SCAMP1: variants seen among roughly 807,000 people sequenced by gnomAD.
SCAMP1 encodes secretory carrier membrane protein 1.
SCAMP1 carries 15 observed loss-of-function variants against 41.8 expected under a neutral mutation model. That is an observed-to-expected ratio of 0.36 (90% CI 0.24 to 0.55). The LOEUF (loss-of-function observed/expected upper bound fraction) is 0.55. SCAMP1 is among the 20% of genes least tolerant of loss of function. The pLI, the probability that SCAMP1 is intolerant of heterozygous loss-of-function variation, is 0.86. For synonymous variants in SCAMP1, 135 were observed against 136.8 expected, an observed-to-expected ratio of 0.99 and a Z score of 0.09; for missense variants, 341 against 412.6, an observed-to-expected ratio of 0.83 and a Z score of 1.50.
intron 2 of SCAMP1, among the ~76,000 whole-genome samples, chr5:78,413,178 C>T (rs1174509415): frequency 6.6e-6 from 1 of 151,986 alleles, no homozygotes; most frequent in Admixed American, 6.6e-5. Flanking sequence ...ACCAGTTATC[C>T]AGGCACCGTT....
rs999416804 is a variant in SCAMP1 at position 78,478,684 on chromosome 5, C to T, written c.*3016C>T. 3.3e-5 allele frequency: 5 copies of T among 152,104 alleles called. No homozygotes were observed. In the South Asian group the frequency reaches 8.3e-4, roughly 25 times the overall value. 9.4% of individuals were successfully genotyped at this position (152,104 alleles called of 1,614,324 possible). ...TGTATTCTGATTTCTATCCTTGCTA[C>T]CTATTGCTGTTTTATGTACTGATGA... On this transcript the variant is annotated 3_prime_UTR_variant, in exon 9 of 9. Transcript: ENST00000621999.
intron 6 of SCAMP1, among the ~76,000 whole-genome samples, chr5:78,423,865 A>G (rs1430405062): frequency 7.0e-6 from 1 of 142,002 alleles, no homozygotes; most frequent in Non-Finnish European, 1.5e-5. Context: ...TTTTTTTGAG[A>G]TGGAGTTTTG....
intron 6 of SCAMP1, among the ~76,000 whole-genome samples, chr5:78,442,447 C>CA (rs1464066406): frequency 2.6e-5 from 4 of 152,000 alleles, no homozygotes; most frequent in African/African-American, 9.7e-5. Flanking sequence ...TTAGTAGAGA[C>CA]AGAGTTTCAC....
intron 2 of SCAMP1, among the ~76,000 whole-genome samples, chr5:78,403,031 T>C (rs949860314): frequency 6.6e-6 from 1 of 152,120 alleles, no homozygotes. Context: ...CCATCACACC[T>C]GGCTAATTTT....
chr5:78,447,015 C>T (rs1753067291), intron 6 of SCAMP1, among the ~76,000 whole-genome samples: 1 of 152,214 alleles, frequency 6.6e-6, no homozygotes, highest in African/African-American at 2.4e-5. Flanking sequence ...AGCTCTGCCT[C>T]CTGTCACATC....
chr5:78,472,210 T>A (rs1172721386), intron 8 of SCAMP1, among the ~76,000 whole-genome samples: 5 of 152,128 alleles, frequency 3.3e-5, no homozygotes, highest in African/African-American at 7.2e-5. Context: ...TGCATTTTTT[T>A]AAAGATAAAT....
chr5:78,448,458 T>A (rs561654594), intron 6 of SCAMP1, among the ~76,000 whole-genome samples: 1 of 151,944 alleles, frequency 6.6e-6, no homozygotes, highest in African/African-American at 2.4e-5. Context: ...AACTCAACGA[T>A]AAAGGAAAAA....
intron 6 of SCAMP1, among the ~76,000 whole-genome samples, chr5:78,425,934 C>A (rs1348119922): frequency 6.6e-6 from 1 of 151,628 alleles, no homozygotes; most frequent in African/African-American, 2.4e-5. Flanking sequence ...GTCCTAATGC[C>A]CTCCCTCCCC....
chr5:78,439,776 G>A (rs1328265523), intron 6 of SCAMP1, among the ~76,000 whole-genome samples: 1 of 152,030 alleles, frequency 6.6e-6, no homozygotes, highest in Non-Finnish European at 1.5e-5. Context: ...TGGTAGGTTG[G>A]GGAAGTTTTC....
intron 1 of SCAMP1, among the ~76,000 whole-genome samples, chr5:78,388,477 G>A (rs1407090005): frequency 1.3e-5 from 2 of 152,192 alleles, no homozygotes; most frequent in African/African-American, 4.8e-5. Flanking sequence ...TTATAAAAAG[G>A]GGGAACGTGA....
intron 1 of SCAMP1, among the ~76,000 whole-genome samples, chr5:78,380,665 C>T (rs1011395404): frequency 1.3e-5 from 2 of 152,070 alleles, no homozygotes; most frequent in African/African-American, 4.8e-5. Flanking sequence ...GGTATTTCCC[C>T]ACAGAGGTGG....
Position 78,375,646 on chromosome 5 carries a change from A to G in SCAMP1, c.58-13191A>G, listed in dbSNP as rs564380562. On this transcript the variant is annotated intron_variant, in intron 1 of 8. Coordinates refer to ENST00000621999, the MANE Select transcript of SCAMP1 (RefSeq NM_004866.6). ...AAAAAGTGTGAAGGAACTAATGGTG[A>G]AAATCTGCTACTGTGTTATATAAAA... 5.9e-5 allele frequency among the ~76,000 whole-genome samples: 9 copies of G among 152,344 alleles called. No homozygotes were observed. In the South Asian group the frequency reaches 1.7e-3, roughly 28 times the overall value.
intron 8 of SCAMP1, among the ~76,000 whole-genome samples, chr5:78,472,713 A>G (rs1303751722): frequency 6.6e-6 from 1 of 152,250 alleles, no homozygotes; most frequent in African/African-American, 2.4e-5. Flanking sequence ...AAATGTGGCT[A>G]TTCCTACCTT....
At chr5:78,391,703 C>G (rs2112091531) in intron 2 of SCAMP1, among the ~76,000 whole-genome samples, 1 of 152,324 alleles carries the variant, frequency 6.6e-6, no homozygotes, top group East Asian at 1.9e-4. Flanking sequence ...CCACCGCACT[C>G]CAGCCTGGGC....
At chr5:78,423,464 C>A (rs958218508) in intron 6 of SCAMP1, among the ~76,000 whole-genome samples, 19 of 152,078 alleles carry the variant, frequency 1.2e-4, no homozygotes, top group Non-Finnish European at 2.4e-4. Context: ...GGACATCTAA[C>A]CTCTGCCTAA....
rs114929482 is a variant in SCAMP1 at position 78,467,033 on chromosome 5, A to T, written c.852+7671A>T. Among the ~76,000 whole-genome samples, 1,286 of 152,270 alleles carry T rather than the reference A, an allele frequency of 8.4e-3. 8 individuals carry two copies. The highest frequency in any genetic ancestry group is 0.012 in the Non-Finnish European group (847 of 67,996). ...TACAAGAAAAATGGTTTGGGGATCA[A>T]GATGTTTTCCACGTTGACCTTGAAT... On this transcript the variant is annotated intron_variant, in intron 8 of 8. Transcript: ENST00000621999.
intron 8 of SCAMP1, among the ~76,000 whole-genome samples, chr5:78,470,558 T>C (rs1753862041): frequency 1.3e-5 from 2 of 152,218 alleles, no homozygotes; most frequent in Admixed American, 6.5e-5. Flanking sequence ...TGTTTATCTG[T>C]TGATGGGCAT....
At chr5:78,401,976 C>G (rs1475152640) in intron 2 of SCAMP1, among the ~76,000 whole-genome samples, 3 of 152,100 alleles carry the variant, frequency 2.0e-5, no homozygotes, top group Non-Finnish European at 4.4e-5. Flanking sequence ...ACATTTTCCT[C>G]TAAGCCCTGC....
chr5:78,476,148 A>G lies in SCAMP1; in HGVS notation c.*480A>G, dbSNP rs1753999445. 1 of 152,594 alleles carries G rather than the reference A, an allele frequency of 6.6e-6. No individual in the cohort carries two copies. Among genetic ancestry groups the G allele is most frequent in the Admixed American group, 6.5e-5 (1 of 15,272 alleles). 9.5% of individuals were successfully genotyped at this position (152,594 alleles called of 1,614,324 possible). On this transcript the variant is annotated 3_prime_UTR_variant, in exon 9 of 9. Transcript: ENST00000621999. ...AATTGGCTTGCTTTTTAGCTGTTTC[A>G]GTCACCAGTGAAGAGCCTATGTGCA... is the stretch of plus-strand genomic sequence containing the variant.
Sources: allele counts gnomAD v4.1 joint callset (sites outside exome capture counted in the v4.1 genomes callset), GRCh38; gene constraint gnomAD v4.1.1; transcripts MANE v1.5; gene names NCBI Gene and HGNC (gene_info 2026-07-23, HGNC 2026-07-21).